Variants in NELL2 observed in about 807,000 individuals in gnomAD.
NELL2 encodes the protein protein kinase C-binding protein NELL2.
NELL2 carries 41 observed loss-of-function variants against 109.6 expected under a neutral mutation model. That is an observed-to-expected ratio of 0.37 (90% CI 0.29 to 0.49). The LOEUF is 0.49. Among genes scored for constraint, NELL2 ranks in the 20% least tolerant of loss-of-function variants. NELL2 has a pLI of 0.98. For synonymous variants in NELL2, 355 were observed against 344.7 expected (o/e 1.03, Z -0.33); for missense variants, 900 against 1,008.3 (o/e 0.89, Z 1.45).
intron 3 of NELL2, among the ~76,000 whole-genome samples, chr12:44,813,168 G>A (rs1262334248): frequency 6.6e-6 from 1 of 152,128 alleles, no homozygotes; most frequent in Non-Finnish European, 1.5e-5. Flanking sequence ...TGGAATATAT[G>A]CTGTCCATCT....
In NELL2 at chr12:44,757,371, C is replaced by T. The variant is rs11182641; in HGVS notation, c.994+17376G>A. Among the ~76,000 whole-genome samples the T allele has an allele frequency of 1.4e-3, 220 of 152,186 alleles. 5 individuals are homozygous for T. In the East Asian group the frequency reaches 0.032, roughly 22 times the overall value. Reference sequence around the variant, plus strand: ...TATAATACTTAATCATGTCATACTCCCGTTTAAAACCCTTCAAATGCTTCC... The same window carrying T: ...TATAATACTTAATCATGTCATACTCTCGTTTAAAACCCTTCAAATGCTTCC... On this transcript the variant is annotated intron_variant, in intron 9 of 19. Transcript: ENST00000429094.
upstream of NELL2, among the ~76,000 whole-genome samples, chr12:44,917,300 A>G (rs534870099): frequency 3.9e-5 from 6 of 152,360 alleles, no homozygotes; most frequent in East Asian, 7.7e-4. Context: ...TGACGTAGAA[A>G]GAGCACAGCA....
intron 1 of NELL2, among the ~76,000 whole-genome samples, chr12:44,895,038 C>T (rs572446036): frequency 2.5e-4 from 38 of 152,202 alleles, no homozygotes; most frequent in African/African-American, 9.1e-4. Context: ...CATATTATCA[C>T]ATAAAAAAGA....
upstream of NELL2, among the ~76,000 whole-genome samples, chr12:44,878,258 C>G (rs1347834214): frequency 6.6e-6 from 1 of 151,952 alleles, no homozygotes; most frequent in African/African-American, 2.4e-5. Context: ...ATTTGGTACC[C>G]AAAATAATTC....
chr12:44,689,302 T>C (rs1199325492), intron 12 of NELL2, among the ~76,000 whole-genome samples: 1 of 152,196 alleles, frequency 6.6e-6, no homozygotes, highest in African/African-American at 2.4e-5. Context: ...TAAAATGCTT[T>C]AGCTACATTT....
chr12:44,712,594 C>A (rs183330435), intron 10 of NELL2, among the ~76,000 whole-genome samples: 152 of 151,992 alleles, frequency 1.0e-3, no homozygotes, highest in African/African-American at 3.5e-3. Context: ...GTCAATTCTG[C>A]AACACAGTAA....
intron 1 of NELL2, among the ~76,000 whole-genome samples, chr12:44,892,523 C>A (rs569326934): frequency 6.6e-6 from 1 of 152,046 alleles, no homozygotes; most frequent in South Asian, 2.1e-4. Context: ...CAGGGCTGGG[C>A]GCAGTGGCTC....
intron 3 of NELL2, among the ~76,000 whole-genome samples, chr12:44,800,429 A>T (rs542661420): frequency 5.3e-5 from 8 of 152,286 alleles, no homozygotes; most frequent in Admixed American, 3.9e-4. Context: ...CAATTTCCAG[A>T]TGCCTAAGTG....
At chr12:44,765,406 T>C (rs1473397977) in intron 9 of NELL2, among the ~76,000 whole-genome samples, 1 of 152,082 alleles carries the variant, frequency 6.6e-6, no homozygotes, top group Non-Finnish European at 1.5e-5. Context: ...TAACTCCAGA[T>C]CTGAGCCTTA....
chr12:44,733,259 T>G (rs1363776647), intron 9 of NELL2, among the ~76,000 whole-genome samples: 1 of 151,982 alleles, frequency 6.6e-6, no homozygotes, highest in Non-Finnish European at 1.5e-5. Flanking sequence ...TGTGCTCCCA[T>G]GTTCACTGCA....
At chr12:44,814,471 G>A (rs1943273308) in intron 3 of NELL2, among the ~76,000 whole-genome samples, 1 of 152,158 alleles carries the variant, frequency 6.6e-6, no homozygotes, top group Non-Finnish European at 1.5e-5. Context: ...TATAAACAAG[G>A]AGCTCACTGG....
At position 44,875,956 on chromosome 12, in the gene NELL2, C is replaced by T; in HGVS notation, c.-87G>A. ...TTCTTGGAATCAAGCGGGAAAATAA[C>T]GTTTGTCTCTCCTGCTGCTGCCTCG... On this transcript the variant is annotated 5_prime_UTR_variant, in exon 1 of 20. Transcript: ENST00000429094. The T allele has an allele frequency of 6.3e-7, 1 of 1,598,884 alleles. No individual in the cohort carries two copies. The highest frequency in any genetic ancestry group is 1.3e-5 in the African/African-American group (1 of 74,790).
At chr12:44,544,110 C>T (rs552403072) in intron 15 of NELL2, among the ~76,000 whole-genome samples, 1 of 151,858 alleles carries the variant, frequency 6.6e-6, no homozygotes, top group African/African-American at 2.4e-5. Flanking sequence ...TAAAAAAAAA[C>T]CATTGTAGTT....
chr12:44,741,855 T>C (rs1405938342), intron 9 of NELL2, among the ~76,000 whole-genome samples: 2 of 152,212 alleles, frequency 1.3e-5, no homozygotes, highest in African/African-American at 4.8e-5. Context: ...AGGAGGCCAG[T>C]CTGCCTCTGT....
At chr12:44,694,927 T>C (rs1317410943) in intron 12 of NELL2, among the ~76,000 whole-genome samples, 1 of 151,996 alleles carries the variant, frequency 6.6e-6, no homozygotes, top group African/African-American at 2.4e-5. Context: ...GTTAATCATA[T>C]GCAAATATGG....
chr12:44,879,944 A>G (rs889253079), upstream of NELL2, among the ~76,000 whole-genome samples: 3 of 151,912 alleles, frequency 2.0e-5, no homozygotes, highest in Non-Finnish European at 4.4e-5. Context: ...AAGTAGCATT[A>G]AACTCCCAGG....
chr12:44,805,566 C>A (rs917656556), intron 3 of NELL2, among the ~76,000 whole-genome samples: 1 of 151,724 alleles, frequency 6.6e-6, no homozygotes, highest in Admixed American at 6.6e-5. Flanking sequence ...TAAGTAGATA[C>A]CTTAGATACC....
chr12:44,696,654 T>C (rs1949070769), intron 12 of NELL2, among the ~76,000 whole-genome samples: 1 of 152,222 alleles, frequency 6.6e-6, no homozygotes, highest in Admixed American at 6.5e-5. Context: ...GTCAGTATCA[T>C]GATTAGATTT....
rs546637432 is a variant in NELL2, at chr12:44,676,571, T to C, written c.1319-10962A>G. 3.9e-5 allele frequency among the ~76,000 whole-genome samples: 6 copies of C among 152,234 alleles called. No homozygotes were observed. The South Asian group carries it at 1.2e-3, about 32-fold the overall frequency. On this transcript the variant is annotated intron_variant, in intron 12 of 19. Coordinates refer to ENST00000429094, the MANE Select transcript of NELL2 (RefSeq NM_001145108.2). The stretch of plus-strand genomic sequence containing the variant: ...TGATTTTCTTGACATCTCAAAATAA[T>C]GGCCACAAATTTGCTTCATTCATTT...
Sources: allele counts gnomAD v4.1 joint callset (sites outside exome capture counted in the v4.1 genomes callset), GRCh38; gene constraint gnomAD v4.1.1; transcripts MANE v1.5; gene names NCBI Gene and HGNC (gene_info 2026-07-23, HGNC 2026-07-21).